CFAP54: variants seen among roughly 807,000 people sequenced by gnomAD.
CFAP54 encodes the protein cilia- and flagella-associated protein 54.
Under a neutral mutation model 370.4 loss-of-function variants are expected in CFAP54, and 290 were observed. That is an observed-to-expected ratio of 0.78 (90% CI 0.71 to 0.86). The LOEUF is 0.86. Among genes scored for constraint, CFAP54 ranks in the 40% least tolerant of loss-of-function variants. The pLI is 0.00. For missense variants in CFAP54, 3,399 were observed against 3,528.7 expected, an observed-to-expected ratio of 0.96 and a Z score of 0.93; for synonymous variants, 1,206 against 1,236.5, an observed-to-expected ratio of 0.98 and a Z score of 0.52.
chr12:96,490,089 G>T (rs541098470), intron 1 of CFAP54, among the ~76,000 whole-genome samples, 163 bp downstream of exon 1: 1 of 152,138 alleles, frequency 6.6e-6, no homozygotes, highest in African/African-American at 2.4e-5. Flanking sequence ...GAGACTCGTC[G>T]CTCTTAACAA....
At chr12:96,576,865 T>C (rs1292461985) in intron 20 of CFAP54, 104 bp downstream of exon 20, 15 of 952,094 alleles carry the variant, frequency 1.6e-5, no homozygotes, top group Middle Eastern at 4.3e-4. Flanking sequence ...GATAGTCTTA[T>C]TCATAAGCAC....
At chr12:96,638,991 T>C (rs756664586) in intron 32 of CFAP54, among the ~76,000 whole-genome samples, 2 of 152,226 alleles carry the variant, frequency 1.3e-5, no homozygotes, top group Non-Finnish European at 2.9e-5. Flanking sequence ...ATGTGTTTGC[T>C]CTTGCTTCTC....
intron 39 of CFAP54, among the ~76,000 whole-genome samples, chr12:96,676,997 A>G (rs1957216381): frequency 1.0e-5 from 1 of 97,870 alleles, no homozygotes; most frequent in Admixed American, 1.1e-4. Flanking sequence ...GTGCAAAATA[A>G]ATTTCTTTTC....
rs1454791179 is a variant in CFAP54 at position 96,685,095 on chromosome 12, G to A, written c.5871G>A (p.Thr1957=). 5.0e-6 allele frequency: 8 copies of A among 1,613,966 alleles called. No individual in the cohort carries two copies. The highest frequency in any genetic ancestry group is 1.3e-5 in the African/African-American group (1 of 74,916). The change falls in exon 42 of 68, where the codon ACG becomes ACA. Residue 1957 remains threonine, a synonymous_variant. Coordinates refer to ENST00000524981, the MANE Select transcript of CFAP54 (RefSeq NM_001306084.2). ...DIFRKPDVLH[T]WKEFGPSLTN... ...TCAGAAAACCAGACGTGCTACACAC[G>A]TGGAAAGAATTTGGCCCCTCACTCA...
chr12:96,875,294 A>G lies in CFAP54; in HGVS notation c.*191A>G, dbSNP rs899047326. On this transcript the variant is annotated 3_prime_UTR_variant, in exon 68 of 68. Coordinates refer to ENST00000524981, the MANE Select transcript of CFAP54 (RefSeq NM_001306084.2). ...TGCCCCATCTGATTTCTTATGATATATACAAATACTCTAGATATTGCTTTG... is the reference window on the plus strand; with the variant it reads ...TGCCCCATCTGATTTCTTATGATATGTACAAATACTCTAGATATTGCTTTG... 1 of 152,202 alleles carries G rather than the reference A, an allele frequency of 6.6e-6. No homozygotes were observed. Among genetic ancestry groups the G allele is most frequent in the South Asian group, 2.1e-4 (1 of 4,832 alleles). The allele number at this position is 152,202 out of a possible 1,614,324, so 9.4% of individuals were successfully genotyped here.
In CFAP54 at chr12:96,648,545, C is replaced by T. The variant is rs138117100; in HGVS notation, c.4690+528C>T. Among the ~76,000 whole-genome samples, 694 of 144,986 alleles carry T rather than the reference C, an allele frequency of 4.8e-3. 4 individuals are homozygous for T. Among genetic ancestry groups the T allele is most frequent in the African/African-American group, 0.017 (657 of 39,684 alleles). On this transcript the variant is annotated intron_variant, in intron 34 of 67. Transcript: ENST00000524981. Reference sequence around the variant, plus strand: ...TGTTATCTAGTCAGGTGACAGGGGGCTCCAAAAGGTAGAGACATGCAGGTA... The same window carrying T: ...TGTTATCTAGTCAGGTGACAGGGGGTTCCAAAAGGTAGAGACATGCAGGTA...
At chr12:96,640,357 C>G (rs1956711352) in intron 32 of CFAP54, among the ~76,000 whole-genome samples, 1 of 152,130 alleles carries the variant, frequency 6.6e-6, no homozygotes. Context: ...AACTAGGAAT[C>G]CAACTTACAA....
At chr12:96,654,875 C>G (rs559364170) in intron 36 of CFAP54, among the ~76,000 whole-genome samples, 106 of 138,230 alleles carry the variant, frequency 7.7e-4, no homozygotes, top group Non-Finnish European at 1.2e-3. Flanking sequence ...TTAACCCTAA[C>G]AAATACCAAC....
At chr12:96,623,306 T>G (rs1259325553) in intron 27 of CFAP54, among the ~76,000 whole-genome samples, 1 of 151,968 alleles carries the variant, frequency 6.6e-6, no homozygotes, top group Non-Finnish European at 1.5e-5. Flanking sequence ...TAATTGCTGA[T>G]CCCCTTAAGT....
intron 28 of CFAP54, among the ~76,000 whole-genome samples, chr12:96,625,514 A>G (rs1176579960): frequency 1.3e-5 from 2 of 152,212 alleles, no homozygotes; most frequent in African/African-American, 4.8e-5. Flanking sequence ...TTTAGGGGGA[A>G]AAGTGAAGCA....
chr12:96,756,123 A>C (rs1438581196), intron 56 of CFAP54, among the ~76,000 whole-genome samples: 1 of 152,158 alleles, frequency 6.6e-6, no homozygotes, highest in Non-Finnish European at 1.5e-5. Context: ...AGGAGAATGC[A>C]TGTCAAAAAA....
chr12:96,639,176 C>G (rs138392284), intron 32 of CFAP54, among the ~76,000 whole-genome samples: 1 of 151,848 alleles, frequency 6.6e-6, no homozygotes, highest in African/African-American at 2.4e-5. Flanking sequence ...ACTGATAGAC[C>G]GATAGCAAGA....
intron 33 of CFAP54, chr12:96,647,077 A>C (rs1215824386): frequency 6.6e-6 from 1 of 152,152 alleles, no homozygotes; most frequent in East Asian, 1.9e-4. Context: ...CATTGTGCAC[A>C]TGTACCCTAA....
chr12:96,656,930 C>T (rs1396325035), intron 36 of CFAP54, among the ~76,000 whole-genome samples: 1 of 152,234 alleles, frequency 6.6e-6, no homozygotes, highest in African/African-American at 2.4e-5. Flanking sequence ...ATGTAAGTCA[C>T]TGGTGCTACA....
chr12:96,834,540 G>T (rs141536932), intron 66 of CFAP54, among the ~76,000 whole-genome samples: 3 of 152,354 alleles, frequency 2.0e-5, no homozygotes, highest in African/African-American at 7.2e-5. Context: ...TGGCATGGGC[G>T]CCAGCTCTCT....
At position 96,644,214 on chromosome 12, in the gene CFAP54, A is replaced by G. The variant is rs150844382; in HGVS notation, c.4353A>G (p.Arg1451=). The G allele has an allele frequency of 5.4e-4, 828 of 1,535,922 alleles. 4 individuals are homozygous for G. In the African/African-American group the frequency reaches 9.0e-3, roughly 17 times the overall value. Residue 1451 remains arginine, a synonymous_variant, in exon 33 of 68, where the codon CGA becomes CGG. Coordinates refer to ENST00000524981, the MANE Select transcript of CFAP54 (RefSeq NM_001306084.2). ...RRTSVRKAAQ[R]YLMDYLNPLI... is the part of the protein sequence containing the mutation. ...CCAGTGTTAGGAAAGCAGCACAACG[A>G]TACCTGATGGATTACTTGAATCCTC...
chr12:96,731,770 A>G (rs552227852), intron 50 of CFAP54, among the ~76,000 whole-genome samples: 2 of 152,332 alleles, frequency 1.3e-5, no homozygotes, highest in Admixed American at 6.5e-5. Flanking sequence ...TGACTTATGC[A>G]TAATGTTACA....
At chr12:96,835,340 A>G (rs1959182733) in intron 66 of CFAP54, among the ~76,000 whole-genome samples, 1 of 151,958 alleles carries the variant, frequency 6.6e-6, no homozygotes, top group Non-Finnish European at 1.5e-5. Context: ...CAGGGCTTTT[A>G]TGGGCCTCAG....
chr12:96,814,206 G>A (rs892674799), intron 64 of CFAP54, among the ~76,000 whole-genome samples: 2 of 152,190 alleles, frequency 1.3e-5, no homozygotes, highest in Admixed American at 6.5e-5. Context: ...GCTATTTGTG[G>A]AAGACAAATA....
Sources: allele counts gnomAD v4.1 joint callset (sites outside exome capture counted in the v4.1 genomes callset), GRCh38; gene constraint gnomAD v4.1.1; transcripts MANE v1.5; gene names NCBI Gene and HGNC (gene_info 2026-07-23, HGNC 2026-07-21).